The following UACA variants were observed in gnomAD, a reference collection of about 807,000 sequenced individuals.
UACA encodes the protein nuclear membrane binding protein.
Under a neutral mutation model 160.5 loss-of-function variants are expected in UACA, and 112 were observed. The observed-to-expected ratio is 0.70, with a 90% CI of 0.60 to 0.82. The LOEUF (loss-of-function observed/expected upper bound fraction) is 0.82, where lower values mean the gene tolerates loss of function less well. UACA is among the 40% of genes least tolerant of loss of function. The pLI is 0.00. For synonymous variants in UACA, 557 were observed against 568.4 expected (o/e 0.98, Z 0.29); for missense variants, 1,574 against 1,614.6 (o/e 0.97, Z 0.43).
chr15:70,775,436 G>T, the UACA span, among the ~76,000 whole-genome samples: 1 of 152,118 alleles, frequency 6.6e-6, no homozygotes, highest in East Asian at 1.9e-4. Context: ...GTCTAGCAAG[G>T]ATCACTTTGG....
chr15:70,771,049 T>G, the UACA span, among the ~76,000 whole-genome samples: 101 of 152,360 alleles, frequency 6.6e-4, no homozygotes, highest in African/African-American at 2.4e-3. Flanking sequence ...CAATACTACA[T>G]GACTCCAAGT....
upstream of UACA, among the ~76,000 whole-genome samples, chr15:70,765,557 T>C (rs2030991836): frequency 6.6e-6 from 1 of 152,198 alleles, no homozygotes; most frequent in South Asian, 2.1e-4. Context: ...GCAAACCTTA[T>C]TTCATTACTG....
intron 1 of UACA, among the ~76,000 whole-genome samples, chr15:70,721,935 A>C (rs1026997028): frequency 1.3e-5 from 2 of 152,236 alleles, no homozygotes; most frequent in African/African-American, 2.4e-5. Flanking sequence ...TTTGCCCATT[A>C]GATGCAAAAG....
chr15:70,681,125 TTTTG>T (rs1470026853), intron 9 of UACA, among the ~76,000 whole-genome samples: 1 of 152,166 alleles, frequency 6.6e-6, no homozygotes, highest in Admixed American at 6.5e-5. Flanking sequence ...CTTAATTCTG[TTTTG>T]TTTTTCTTCA....
intron 8 of UACA, 55 bp downstream of exon 8, chr15:70,684,210 A>G: frequency 6.7e-7 from 1 of 1,492,080 alleles, no homozygotes; most frequent in Non-Finnish European, 9.0e-7. Flanking sequence ...TAAGTCTTTT[A>G]AAAAGTGGCT....
chr15:70,701,313 AAAAC>A (rs1898355372), intron 1 of UACA, among the ~76,000 whole-genome samples: 1 of 152,210 alleles, frequency 6.6e-6, no homozygotes, highest in Non-Finnish European at 1.5e-5. Flanking sequence ...CTTTAAAACA[AAAAC>A]AAAACAGTTT....
At chr15:70,715,475 ACT>A (rs774675910) in intron 1 of UACA, among the ~76,000 whole-genome samples, 5 of 152,158 alleles carry the variant, frequency 3.3e-5, no homozygotes, top group Non-Finnish European at 7.4e-5. Flanking sequence ...AACTCAAAAG[ACT>A]CTTCAAGTAC....
chr15:70,729,309 A>G (rs1332469022), intron 1 of UACA, among the ~76,000 whole-genome samples: 1 of 152,210 alleles, frequency 6.6e-6, no homozygotes, highest in Non-Finnish European at 1.5e-5. Context: ...AGTGGACTGG[A>G]AAAAGAAAAT....
intron 1 of UACA, among the ~76,000 whole-genome samples, chr15:70,742,190 T>C (rs1322963644): frequency 6.6e-6 from 1 of 152,226 alleles, no homozygotes; most frequent in African/African-American, 2.4e-5. Context: ...TTACTTAACA[T>C]GGTTATAAGT....
upstream of UACA, among the ~76,000 whole-genome samples, chr15:70,765,086 G>T (rs577507168): frequency 3.9e-4 from 60 of 152,232 alleles, no homozygotes; most frequent in African/African-American, 1.4e-3. Context: ...TAACGTGGAC[G>T]CGACCCTGTT....
Position 70,676,549 on chromosome 15 carries a change from G to C in UACA, c.1075C>G (p.His359Asp). The stretch of plus-strand genomic sequence containing the variant: ...TCAATAGTCCTTAAGCTTTCTTCAT[G>C]TTGCTTTTCTTTAGCTGCCAAAAGG... ...KSLLAAKEKQ[H>D]EESLRTIEAL... The change falls in exon 13 of 19, where the codon CAT becomes GAT. Residue 359 changes from histidine (H) to aspartate (D), a missense_variant. Physicochemically the swap from His to Asp is moderately conservative, Grantham distance 81 (BLOSUM62 -1). Transcript: ENST00000322954. 1 of 1,612,674 alleles carries C rather than the reference G, an allele frequency of 6.2e-7. No individual in the cohort carries two copies. Among genetic ancestry groups the C allele is most frequent in the Non-Finnish European group, 8.5e-7 (1 of 1,179,596 alleles).
chr15:70,726,900 G>A (rs1899159981), intron 1 of UACA, among the ~76,000 whole-genome samples: 1 of 152,124 alleles, frequency 6.6e-6, no homozygotes, highest in South Asian at 2.1e-4. Context: ...AGGGTGGCCT[G>A]GGAGTCAATT....
At chr15:70,675,971 T>C (rs1393377596) in intron 13 of UACA, among the ~76,000 whole-genome samples, 1 of 152,164 alleles carries the variant, frequency 6.6e-6, no homozygotes, top group Non-Finnish European at 1.5e-5. Flanking sequence ...GAAATAAATT[T>C]GTTCTTTATA....
chr15:70,703,204 G>A lies in UACA; in HGVS notation c.79-3544C>T, dbSNP rs777129402. On this transcript the variant is annotated intron_variant, in intron 1 of 18. Coordinates refer to ENST00000322954, the MANE Select transcript of UACA (RefSeq NM_018003.4). ...GCTGTTGTTGTTGTTTTTTAACCAT[G>A]TTCTCATTACCACAATAGCATGAGA... 2.3e-6 allele frequency: 3 copies of A among 1,289,046 alleles called. No individual in the cohort carries two copies. The South Asian group carries it at 3.7e-5, about 16-fold the overall frequency. The allele number at this position is 1,289,046 out of a possible 1,614,324, so 79.9% of individuals were successfully genotyped here.
intron 13 of UACA, among the ~76,000 whole-genome samples, chr15:70,674,682 C>T (rs1897253926): frequency 6.6e-6 from 1 of 152,092 alleles, no homozygotes; most frequent in Non-Finnish European, 1.5e-5. Flanking sequence ...ATTGCAACCT[C>T]CACCTCCCAG....
In UACA at chr15:70,687,802, G is replaced by A. The variant is rs1897784295; in HGVS notation, c.443C>T (p.Ser148Phe). Residue 148 changes from serine (S) to phenylalanine (F), a missense_variant, in exon 6 of 19, where the codon TCT (serine) becomes TTT (phenylalanine). Ser to Phe is a radical substitution (Grantham distance 155, BLOSUM62 -2). Transcript: ENST00000322954. ...LHDAAMADCP[S>F]SIQLLCDHGA... Reference sequence around the variant, plus strand: ...ATGGTCACAAAGCAGCTGTATGCTAGAAGGACAATCTGCCATTGCTTTAAG... The same window carrying A: ...ATGGTCACAAAGCAGCTGTATGCTAAAAGGACAATCTGCCATTGCTTTAAG... 6.2e-7 allele frequency: 1 copy of A among 1,613,746 alleles called. No homozygotes were observed. The highest frequency in any genetic ancestry group is 8.5e-7 in the Non-Finnish European group (1 of 1,179,754).
Position 70,655,948 on chromosome 15 carries a change from T to C in UACA, c.*1108A>G, listed in dbSNP as rs1200489817. ...AATGTTAATAAAAAATAACAAGACA[T>C]ATAAACTTTCCCTAATGAGATGCAG... On this transcript the variant is annotated 3_prime_UTR_variant, in exon 19 of 19. Transcript: ENST00000322954. 3.3e-5 allele frequency: 5 copies of C among 152,342 alleles called. No homozygotes were observed. Among genetic ancestry groups the C allele is most frequent in the South Asian group, 4.1e-4 (2 of 4,830 alleles). The allele number at this position is 152,342 out of a possible 1,614,324, so 9.4% of individuals were successfully genotyped here. A position where few individuals can be genotyped will look rare whatever the true frequency, so the allele number is the denominator to read the frequency against.
intron 9 of UACA, chr15:70,681,924 A>T (rs183010674): frequency 6.6e-6 from 1 of 152,358 alleles, no homozygotes; most frequent in East Asian, 1.9e-4. Context: ...TGAGAGGTAC[A>T]AAAATGACAC....
chr15:70,712,051 C>CATATATATATATATATATATCTAT lies in UACA; in HGVS notation c.79-12392_79-12391insATAGATATATATATATATATATAT, dbSNP rs57543862. On this transcript the variant is annotated intron_variant, in intron 1 of 18. Coordinates refer to ENST00000322954, the MANE Select transcript of UACA (RefSeq NM_018003.4). ...AACCCAGGCTCCTCTAAGCTCCAGG[C>CATATATATATATATATATATCTAT]ATATATATATATATATCTCCATATA... Among the ~76,000 whole-genome samples, 2 of 131,904 alleles carry CATATATATATATATATATATCTAT rather than the reference C, an allele frequency of 1.5e-5. 1 individual carries two copies. The allele number at this position is 131,904 out of a possible 152,430, so 86.5% of individuals were successfully genotyped here.
Sources: gnomAD v4.1 joint callset for allele counts (sites outside exome capture counted in the v4.1 genomes callset) on GRCh38, gnomAD v4.1.1 for gene constraint, MANE v1.5 for transcripts, NCBI Gene and HGNC (gene_info 2026-07-23, HGNC 2026-07-21) for gene names.